Variants in ZFAND3 observed in about 807,000 individuals in gnomAD.
ZFAND3 encodes AN1-type zinc finger protein 3.
ZFAND3 carries 10 observed loss-of-function variants against 29.6 expected under a neutral mutation model. The ratio of observed to expected loss-of-function variants is 0.34; its 90% CI spans 0.21 to 0.57. The LOEUF is 0.57. Ranked by LOEUF, ZFAND3 falls within the 20% of genes least tolerant of loss-of-function variation. The pLI is 0.86. For missense variants in ZFAND3, 230 were observed against 304.5 expected (o/e 0.76, Z 1.82); for synonymous variants, 128 against 112.6 (o/e 1.14, Z -0.87).
chr6:37,861,960 G>A (rs1764500661), intron 1 of ZFAND3, among the ~76,000 whole-genome samples: 1 of 152,068 alleles, frequency 6.6e-6, no homozygotes, highest in South Asian at 2.1e-4. Context: ...CTTTCCCAGT[G>A]TTGTCACTGA....
intron 1 of ZFAND3, among the ~76,000 whole-genome samples, chr6:37,924,162 A>C (rs1317934827): frequency 1.3e-5 from 2 of 152,218 alleles, no homozygotes; most frequent in African/African-American, 4.8e-5. Flanking sequence ...GGCCAGATAC[A>C]TAGGATGACG....
rs553516720 is a variant in ZFAND3, at chr6:38,109,735, C to T, written c.362-6837C>T. The stretch of plus-strand genomic sequence containing the variant: ...TTTTGGGTACTCATCTCCTGAAGGG[C>T]ATATGATAATTTTATTATGACTCCT... On this transcript the variant is annotated intron_variant, in intron 4 of 5. Transcript: ENST00000287218. Among the ~76,000 whole-genome samples the T allele has an allele frequency of 1.9e-3, 288 of 152,192 alleles. 2 individuals carry two copies. Among genetic ancestry groups the T allele is most frequent in the African/African-American group, 6.7e-3 (278 of 41,530 alleles).
At chr6:38,028,526 G>A (rs1763490672) in intron 2 of ZFAND3, among the ~76,000 whole-genome samples, 1 of 151,746 alleles carries the variant, frequency 6.6e-6, no homozygotes, top group Non-Finnish European at 1.5e-5. Flanking sequence ...TTATTGTCTA[G>A]TCAAGATGTC....
intron 1 of ZFAND3, among the ~76,000 whole-genome samples, chr6:37,844,893 G>A (rs1326232912): frequency 3.3e-5 from 5 of 151,356 alleles, no homozygotes; most frequent in African/African-American, 1.2e-4. Context: ...GCGTTGTGGC[G>A]GGCGCCTATA....
chr6:37,865,076 G>T (rs1764564583), intron 1 of ZFAND3, among the ~76,000 whole-genome samples: 1 of 152,172 alleles, frequency 6.6e-6, no homozygotes, highest in Non-Finnish European at 1.5e-5. Context: ...TACTCAGGAG[G>T]CTGAGGCACG....
At chr6:37,860,657 T>TTA (rs1198669822) in intron 1 of ZFAND3, among the ~76,000 whole-genome samples, 1 of 147,868 alleles carries the variant, frequency 6.8e-6, no homozygotes, top group African/African-American at 2.5e-5. Flanking sequence ...TTTTTTTTTT[T>TTA]AAGTAGGTTT....
intron 2 of ZFAND3, among the ~76,000 whole-genome samples, chr6:38,000,767 C>CA (rs1762934257): frequency 6.6e-6 from 1 of 152,060 alleles, no homozygotes; most frequent in African/African-American, 2.4e-5. Flanking sequence ...GACTAAAAGA[C>CA]AAAAAGAAAA....
At chr6:37,972,369 G>T (rs1420886858) in intron 2 of ZFAND3, among the ~76,000 whole-genome samples, 1 of 152,180 alleles carries the variant, frequency 6.6e-6, no homozygotes. Context: ...CCTCTGTGAG[G>T]CTTCAGAAAT....
intron 1 of ZFAND3, among the ~76,000 whole-genome samples, chr6:37,927,368 C>T (rs937724829): frequency 1.3e-5 from 2 of 152,068 alleles, no homozygotes; most frequent in East Asian, 1.9e-4. Flanking sequence ...TGTGGCATTG[C>T]GTGGACAAGA....
chr6:37,932,653 T>C (rs960146147), intron 2 of ZFAND3, among the ~76,000 whole-genome samples: 10 of 152,200 alleles, frequency 6.6e-5, no homozygotes, highest in African/African-American at 2.4e-4. Flanking sequence ...TGAGGAACTA[T>C]CTTGTGCCCC....
chr6:37,962,784 C>T (rs1038489994), intron 2 of ZFAND3, among the ~76,000 whole-genome samples: 4 of 151,992 alleles, frequency 2.6e-5, no homozygotes, highest in East Asian at 2.0e-4. Context: ...TCCCCTTCCA[C>T]GCTGTGGAAG....
chr6:38,118,790 T>A (rs552191631), intron 5 of ZFAND3, among the ~76,000 whole-genome samples: 1 of 151,834 alleles, frequency 6.6e-6, no homozygotes, highest in South Asian at 2.1e-4. Flanking sequence ...GTAATATATG[T>A]TAGATGACTT....
intron 1 of ZFAND3, among the ~76,000 whole-genome samples, chr6:37,916,549 A>G (rs111275055): frequency 4.6e-5 from 7 of 152,126 alleles, no homozygotes; most frequent in African/African-American, 1.4e-4. Context: ...AATCCCAGCT[A>G]CTCAGGAGGC....
intron 1 of ZFAND3, among the ~76,000 whole-genome samples, chr6:37,848,947 C>T (rs572969752): frequency 2.6e-4 from 40 of 152,044 alleles, no homozygotes; most frequent in Non-Finnish European, 4.6e-4. Flanking sequence ...AAACTTTGAT[C>T]TAGTTTGACA....
At chr6:37,895,453 G>A (rs1369249035) in intron 1 of ZFAND3, among the ~76,000 whole-genome samples, 1 of 119,888 alleles carries the variant, frequency 8.3e-6, no homozygotes, top group Non-Finnish European at 1.7e-5. Flanking sequence ...TCCTGCCTCA[G>A]AGGTTCTTTT....
At chr6:37,824,517 A>G (rs960983119) in intron 1 of ZFAND3, among the ~76,000 whole-genome samples, 2 of 152,244 alleles carry the variant, frequency 1.3e-5, no homozygotes, top group African/African-American at 4.8e-5. Flanking sequence ...AAGTACAGAA[A>G]TATAATTACT....
intron 4 of ZFAND3, among the ~76,000 whole-genome samples, chr6:38,091,780 A>G (rs1764877883): frequency 6.6e-6 from 1 of 151,686 alleles, no homozygotes; most frequent in South Asian, 2.1e-4. Flanking sequence ...TTATTACATA[A>G]TAGGTGGGTG....
intron 4 of ZFAND3, among the ~76,000 whole-genome samples, chr6:38,102,755 A>G (rs1448173071): frequency 6.6e-6 from 1 of 152,020 alleles, no homozygotes; most frequent in Non-Finnish European, 1.5e-5. Context: ...AGAAAGTTTA[A>G]CTTTTTTGTT....
intron 2 of ZFAND3, among the ~76,000 whole-genome samples, chr6:38,049,170 G>A (rs1305945807): frequency 3.9e-5 from 6 of 152,132 alleles, no homozygotes; most frequent in Non-Finnish European, 7.3e-5. Context: ...CCCCAGGATT[G>A]GCTTGTTAGT....
Sources: allele counts gnomAD v4.1 joint callset (sites outside exome capture counted in the v4.1 genomes callset), GRCh38; gene constraint gnomAD v4.1.1; transcripts MANE v1.5; gene names NCBI Gene and HGNC (gene_info 2026-07-23, HGNC 2026-07-21).